The following MMD2 variants were observed in gnomAD, a reference collection of about 807,000 sequenced individuals.
MMD2 encodes monocyte to macrophage differentiation factor 2.
MMD2 carries 30 observed loss-of-function variants against 33.5 expected under a neutral mutation model. The ratio of observed to expected loss-of-function variants is 0.90; its 90% CI spans 0.67 to 1.22. MMD2 has a LOEUF of 1.22. MMD2 is among the 50% of genes most tolerant of loss of function. The pLI is 0.00. For synonymous variants in MMD2, 129 were observed against 123.0 expected, an observed-to-expected ratio of 1.05 and a Z score of -0.32; for missense variants, 364 against 325.4, an observed-to-expected ratio of 1.12 and a Z score of -0.91.
At chr7:4,935,693 A>C (rs977470902) in intron 1 of MMD2, among the ~76,000 whole-genome samples, 1 of 150,768 alleles carries the variant, frequency 6.6e-6, no homozygotes, top group Non-Finnish European at 1.5e-5. Context: ...AAAAAAAAAA[A>C]AAAACCAAAA....
At chr7:4,939,885 G>C (rs570805403) in intron 1 of MMD2, among the ~76,000 whole-genome samples, 1 of 152,140 alleles carries the variant, frequency 6.6e-6, no homozygotes, top group South Asian at 2.1e-4. Context: ...GACTACAGGT[G>C]TACAGAACCA....
At chr7:4,944,931 C>G (rs1477804140) in intron 1 of MMD2, among the ~76,000 whole-genome samples, 7 of 151,276 alleles carry the variant, frequency 4.6e-5, no homozygotes, top group Admixed American at 2.6e-4. Context: ...CCATGCCTGG[C>G]TAATTTTTTT....
rs753515128 is a variant in MMD2 at position 4,944,760 on chromosome 7, C to CTTCT, written c.47+14210_47+14211insAGAA. Among the ~76,000 whole-genome samples the CTTCT allele has an allele frequency of 3.1e-3, 236 of 75,350 alleles. 10 individuals are homozygous for CTTCT. The highest frequency in any genetic ancestry group is 0.013 in the African/African-American group (228 of 17,336). The allele number at this position is 75,350 out of a possible 152,430, so 49.4% of individuals were successfully genotyped here. On this transcript the variant is annotated intron_variant, in intron 1 of 6. Transcript: ENST00000401401. ...TTTTCTCTTTCTTCTTCTTCTTCTT[C>CTTCT]TTTTTTTTTTTTTTTTTTTTTTTTT...
intron 1 of MMD2, among the ~76,000 whole-genome samples, chr7:4,952,788 T>C (rs974778664): frequency 4.7e-5 from 7 of 148,724 alleles, no homozygotes; most frequent in African/African-American, 1.5e-4. Flanking sequence ...GCCTCCTGGG[T>C]TCAAGCAATT....
intron 5 of MMD2, 85 bp from the exon 6 acceptor site, chr7:4,910,035 G>A (rs760437263): frequency 1.2e-6 from 2 of 1,613,572 alleles, no homozygotes; most frequent in Non-Finnish European, 1.7e-6. Flanking sequence ...TGGGGAAGAG[G>A]GAACACTCTG....
downstream of MMD2, among the ~76,000 whole-genome samples, chr7:4,902,252 A>G (rs1185419372): frequency 1.3e-5 from 2 of 151,726 alleles, no homozygotes; most frequent in Non-Finnish European, 2.9e-5. Flanking sequence ...ACGCCCCACC[A>G]AAAAAAATAT....
At chr7:4,903,790 A>G (rs1784825225), downstream of MMD2, among the ~76,000 whole-genome samples, 1 of 152,154 alleles carries the variant, frequency 6.6e-6, no homozygotes, top group South Asian at 2.1e-4. Flanking sequence ...CGAGTCCAGA[A>G]CGTCACACAG....
chr7:4,913,889 C>T (rs2115093950), intron 4 of MMD2, among the ~76,000 whole-genome samples: 1 of 152,162 alleles, frequency 6.6e-6, no homozygotes. Flanking sequence ...TCTCGATCTC[C>T]TGACCTCATG....
chr7:4,913,721 C>CA (rs35733360), intron 4 of MMD2, among the ~76,000 whole-genome samples: 1,200 of 53,188 alleles, frequency 0.023, 8 homozygotes, highest in Non-Finnish European at 0.029. Context: ...TCTATCTCGG[C>CA]AAAAAAAAAA....
intron 6 of MMD2, chr7:4,909,662 C>G: frequency 2.7e-6 from 2 of 733,418 alleles, no homozygotes; most frequent in East Asian, 5.4e-5. Flanking sequence ...TCTCAAATCC[C>G]TGGACTCAAA....
intron 3 of MMD2, among the ~76,000 whole-genome samples, chr7:4,917,084 C>T (rs2115098753): frequency 6.6e-6 from 1 of 152,002 alleles, no homozygotes; most frequent in South Asian, 2.1e-4. Flanking sequence ...AAAAAAAGTG[C>T]AAAAACTACT....
In MMD2 at chr7:4,946,110, CGCACACGCACGCACACACCT is replaced by C. The variant is rs1032754184; in HGVS notation, c.47+12841_47+12860del. Among the ~76,000 whole-genome samples the C allele has an allele frequency of 2.0e-5, 3 of 151,622 alleles. No homozygotes were observed. The highest frequency in any genetic ancestry group is 4.4e-5 in the Non-Finnish European group (3 of 67,790). On this transcript the variant is annotated intron_variant, in intron 1 of 6. Coordinates refer to ENST00000401401, the MANE Select transcript of MMD2 (RefSeq NM_198403.4). The surrounding 1 kb of genome is among the most constrained non-coding windows in gnomAD (Gnocchi z 5.0). ...GCACGCACACACACGCATGCACACG[CGCACACGCACGCACACACCT>C]GCACACGCACGCACACCCACACCCG... is the stretch of plus-strand genomic sequence containing the variant.
At chr7:4,899,913 C>A in the MMD2 span, among the ~76,000 whole-genome samples, 1 of 152,000 alleles carries the variant, frequency 6.6e-6, no homozygotes, top group Non-Finnish European at 1.5e-5. Context: ...GCAACAGGGG[C>A]AAAAATCCAT....
chr7:4,897,562 C>T, the MMD2 span, among the ~76,000 whole-genome samples: 1 of 152,114 alleles, frequency 6.6e-6, no homozygotes, highest in African/African-American at 2.4e-5. Flanking sequence ...AGCAGCGAGG[C>T]CTGCACCTGC....
At position 4,930,474 on chromosome 7, in the gene MMD2, T is replaced by C. The variant is rs148477664; in HGVS notation, c.48-4942A>G. Among the ~76,000 whole-genome samples, 744 of 150,990 alleles carry C rather than the reference T, an allele frequency of 4.9e-3. 10 individuals carry two copies. Among genetic ancestry groups the C allele is most frequent in the African/African-American group, 0.018 (719 of 41,042 alleles). The stretch of plus-strand genomic sequence containing the variant: ...GGCTAACACGGCAATACCCCATCTC[T>C]ACTAAAAAAAAATACAAAAATTAGC... On this transcript the variant is annotated intron_variant, in intron 1 of 6. Transcript: ENST00000401401.
intron 1 of MMD2, among the ~76,000 whole-genome samples, chr7:4,927,094 A>G (rs527885506): frequency 1.8e-4 from 27 of 152,184 alleles, no homozygotes; most frequent in Non-Finnish European, 3.5e-4. Context: ...TGAACAGACC[A>G]CAAGTGAATT....
intron 2 of MMD2, 142 bp from the exon 3 acceptor site, chr7:4,920,473 T>C: frequency 2.6e-6 from 2 of 770,590 alleles, no homozygotes; most frequent in South Asian, 1.9e-5. Context: ...AACGGAATCA[T>C]TTTATTTCAC....
the MMD2 span, among the ~76,000 whole-genome samples, chr7:4,892,523 G>A: frequency 6.6e-6 from 1 of 151,540 alleles, no homozygotes; most frequent in Admixed American, 6.6e-5. Flanking sequence ...GGGAGACAGA[G>A]GATGCAGTGA....
Position 4,959,030 on chromosome 7 carries a change from A to T in MMD2, c.-13T>A. On this transcript the variant is annotated 5_prime_UTR_variant, in exon 1 of 7. An upstream start codon of the reference 5' UTR is lost. Transcript: ENST00000401401. ...GGGGGGCGAACATCGCGGCGCTTCC[A>T]TGGGAATCTGGCCCCGGGCTCAGAG... 1.6e-6 allele frequency: 2 copies of T among 1,261,220 alleles called. No individual in the cohort carries two copies. The highest frequency in any genetic ancestry group is 3.2e-5 in the East Asian group (1 of 31,564). 78.1% of individuals were successfully genotyped at this position (1,261,220 alleles called of 1,614,324 possible).
Sources: gnomAD v4.1 joint callset for allele counts (sites outside exome capture counted in the v4.1 genomes callset) on GRCh38, gnomAD v4.1.1 for gene constraint, Gnocchi (gnomAD v3.1) non-coding constraint, MANE v1.5 for transcripts, NCBI Gene and HGNC (gene_info 2026-07-23, HGNC 2026-07-21) for gene names.